SNX13: variants seen among roughly 807,000 people sequenced by gnomAD.
SNX13 encodes sorting nexin 13.
Under a neutral mutation model 133.6 loss-of-function variants are expected in SNX13, and 45 were observed. The ratio of observed to expected loss-of-function variants is 0.34; its 90% CI spans 0.27 to 0.43. The LOEUF (loss-of-function observed/expected upper bound fraction) is 0.43. Ranked by LOEUF, SNX13 falls within the 20% of genes least tolerant of loss-of-function variation. The pLI is 1.00. For synonymous variants in SNX13, 414 were observed against 373.9 expected (o/e 1.11, Z -1.24); for missense variants, 1,032 against 1,145.1 (o/e 0.90, Z 1.43).
At chr7:17,868,674 A>G (rs564828427) in intron 8 of SNX13, among the ~76,000 whole-genome samples, 184 bp from the exon 9 acceptor site, 11 of 152,230 alleles carry the variant, frequency 7.2e-5, no homozygotes, top group African/African-American at 2.6e-4. Flanking sequence ...TAAATGAGAT[A>G]CAGTTACCTG....
chr7:17,832,072 T>C (rs986333898), intron 15 of SNX13: 1 of 982,598 alleles, frequency 1.0e-6, no homozygotes, highest in Admixed American at 6.2e-5. Flanking sequence ...ATAAGATACA[T>C]AAGTATATAA....
chr7:17,814,988 C>T (rs771460524), intron 19 of SNX13, 44 bp from the exon 20 acceptor site: 19 of 1,334,056 alleles, frequency 1.4e-5, no homozygotes, highest in Non-Finnish European at 1.8e-5. Context: ...CTTAAACTGA[C>T]AGAATGCTAG....
At chr7:17,817,085 TTACAC>T (rs1430947341) in intron 18 of SNX13, among the ~76,000 whole-genome samples, 1 of 152,192 alleles carries the variant, frequency 6.6e-6, no homozygotes, top group Non-Finnish European at 1.5e-5. Flanking sequence ...AACTCATAGA[TTACAC>T]TAACCAAAAA....
chr7:17,931,383 G>C (rs1801375163), intron 1 of SNX13, among the ~76,000 whole-genome samples: 2 of 152,120 alleles, frequency 1.3e-5, no homozygotes, highest in African/African-American at 2.4e-5. Flanking sequence ...CAGAAATACG[G>C]TGAAATTTTA....
rs951557507 is a variant in SNX13, at chr7:17,815,553, C to G, written c.1954-609G>C. Among the ~76,000 whole-genome samples the G allele has an allele frequency of 9.2e-5, 14 of 152,162 alleles. 1 individual carries two copies. The highest frequency in any genetic ancestry group is 7.2e-4 in the Admixed American group (11 of 15,274). On this transcript the variant is annotated intron_variant, in intron 19 of 25. Transcript: ENST00000428135. ...TGAGCTATGATTGCATCACTGCACT[C>G]CAGCCTGGGTGACAGAACAAGATCC... is the stretch of plus-strand genomic sequence containing the variant.
chr7:17,890,999 T>C (rs534636948), intron 4 of SNX13, among the ~76,000 whole-genome samples: 27 of 152,028 alleles, frequency 1.8e-4, no homozygotes, highest in Non-Finnish European at 3.2e-4. Context: ...CAATAAATAG[T>C]ACATAATACA....
chr7:17,845,557 C>A, intron 12 of SNX13, 38 bp downstream of exon 12: 1 of 1,318,212 alleles, frequency 7.6e-7, no homozygotes. Context: ...AAAAGAAATT[C>A]AATGGCTGTA....
Position 17,832,529 on chromosome 7 carries a change from C to T in SNX13, c.1597+1523G>A, listed in dbSNP as rs10229223. On this transcript the variant is annotated intron_variant, in intron 15 of 25. Coordinates refer to ENST00000428135, the MANE Select transcript of SNX13 (RefSeq NM_015132.5). Reference sequence around the variant, plus strand: ...CTAAAATAGATAAAATTAGTATAAACAACAAAAACTTTTATAATAGTCATT... The same window carrying T: ...CTAAAATAGATAAAATTAGTATAAATAACAAAAACTTTTATAATAGTCATT... The T allele has an allele frequency of 4.8e-3, 4,693 of 967,800 alleles. 172 individuals carry two copies. In the African/African-American group the frequency reaches 0.074, roughly 15 times the overall value. The allele number at this position is 967,800 out of a possible 1,614,324, so 60.0% of individuals were successfully genotyped here.
intron 8 of SNX13, among the ~76,000 whole-genome samples, chr7:17,872,367 G>A (rs373893252): frequency 1.3e-5 from 2 of 152,188 alleles, no homozygotes; most frequent in African/African-American, 2.4e-5. Flanking sequence ...GAGATTCCAC[G>A]TAACAGTAGC....
At chr7:17,884,677 G>T (rs1355125242) in intron 5 of SNX13, among the ~76,000 whole-genome samples, 1 of 151,998 alleles carries the variant, frequency 6.6e-6, no homozygotes, top group Non-Finnish European at 1.5e-5. Flanking sequence ...TAGACACTGG[G>T]AAAAAAGTAT....
At chr7:17,856,973 G>T (rs576749321) in intron 9 of SNX13, among the ~76,000 whole-genome samples, 9 of 151,498 alleles carry the variant, frequency 5.9e-5, no homozygotes, top group African/African-American at 2.2e-4. Context: ...TTTAAAGGGA[G>T]AAACAAAAGC....
rs555593826 is a variant in SNX13 at position 17,939,141 on chromosome 7, G to T, written c.12+1143C>A. Among the ~76,000 whole-genome samples the T allele has an allele frequency of 5.3e-5, 8 of 152,232 alleles. No homozygotes were observed. In the East Asian group the frequency reaches 1.5e-3, roughly 29 times the overall value. Reference sequence around the variant, plus strand: ...TCCTCAAAGTTAGTCACGTTCCAAGGACCTGAAATTTCAGGCAAGTACGTG... The same window carrying T: ...TCCTCAAAGTTAGTCACGTTCCAAGTACCTGAAATTTCAGGCAAGTACGTG... On this transcript the variant is annotated intron_variant, in intron 1 of 25. Coordinates refer to ENST00000428135, the MANE Select transcript of SNX13 (RefSeq NM_015132.5).
chr7:17,914,933 T>C lies in SNX13; in HGVS notation c.13-17487A>G, dbSNP rs141982496. The stretch of plus-strand genomic sequence containing the variant: ...CCACTTAAAAGACACAGAATGGCAA[T>C]TGGGCAAACAAAGACCCATTCTTTT... On this transcript the variant is annotated intron_variant, in intron 1 of 25. Coordinates refer to ENST00000428135, the MANE Select transcript of SNX13 (RefSeq NM_015132.5). 2.8e-4 allele frequency among the ~76,000 whole-genome samples: 43 copies of C among 152,260 alleles called. No individual in the cohort carries two copies. In the East Asian group the frequency reaches 6.8e-3, roughly 24 times the overall value.
chr7:17,845,254 C>G (rs1413522841), intron 12 of SNX13, among the ~76,000 whole-genome samples: 1 of 152,036 alleles, frequency 6.6e-6, no homozygotes, highest in Non-Finnish European at 1.5e-5. Context: ...GGCATATCCA[C>G]GTTAAGTGAG....
intron 2 of SNX13, 28 bp from the exon 3 acceptor site, chr7:17,893,462 T>C (rs751812794): frequency 2.9e-6 from 4 of 1,365,408 alleles, no homozygotes; most frequent in East Asian, 2.5e-5. Context: ...ATCACAAATA[T>C]AAAAACAAAA....
At position 17,805,252 on chromosome 7, in the gene SNX13, C is replaced by CGT. The variant is rs796256828; in HGVS notation, c.2065-1674_2065-1673dup. On this transcript the variant is annotated intron_variant, in intron 20 of 25. Coordinates refer to ENST00000428135, the MANE Select transcript of SNX13 (RefSeq NM_015132.5). ...GTGTGTGTGTGTGTGTGTGTGTGTG[C>CGT]GTGCGCGCGCGCGCATGCATGCACA... Among the ~76,000 whole-genome samples the CGT allele has an allele frequency of 2.0e-4, 19 of 94,056 alleles. 1 individual carries two copies. The South Asian group carries it at 3.4e-3, about 17-fold the overall frequency. The allele number at this position is 94,056 out of a possible 152,430, so 61.7% of individuals were successfully genotyped here.
At chr7:17,807,023 G>A (rs1015129843) in intron 20 of SNX13, among the ~76,000 whole-genome samples, 2 of 152,142 alleles carry the variant, frequency 1.3e-5, no homozygotes, top group Admixed American at 6.5e-5. Context: ...GCACAAAACT[G>A]GGCGGCCGTT....
At chr7:17,866,859 T>A (rs114405060) in intron 9 of SNX13, among the ~76,000 whole-genome samples, 499 of 152,296 alleles carry the variant, frequency 3.3e-3, no homozygotes, top group African/African-American at 0.011. Flanking sequence ...AGGAGTGGAA[T>A]TGGAATGTTC....
At chr7:17,904,724 T>A (rs974771983) in intron 1 of SNX13, among the ~76,000 whole-genome samples, 2 of 152,178 alleles carry the variant, frequency 1.3e-5, no homozygotes, top group Non-Finnish European at 2.9e-5. Context: ...AGTGCCAACT[T>A]GAGTCACAGA....
Sources: allele counts gnomAD v4.1 joint callset (sites outside exome capture counted in the v4.1 genomes callset), GRCh38; gene constraint gnomAD v4.1.1; transcripts MANE v1.5; gene names NCBI Gene and HGNC (gene_info 2026-07-23, HGNC 2026-07-21).